The following RASGEF1C variants were observed in gnomAD, a reference collection of about 807,000 sequenced individuals.
The protein encoded by RASGEF1C is RasGEF domain family member 1C.
A neutral mutation model predicts 58.1 loss-of-function variants in RASGEF1C; 27 were observed. The ratio of observed to expected loss-of-function variants is 0.46; its 90% confidence interval spans 0.34 to 0.64. The LOEUF (loss-of-function observed/expected upper bound fraction) is 0.64, where lower values mean the gene tolerates loss of function less well. Ranked by LOEUF, RASGEF1C falls within the 30% of genes least tolerant of loss-of-function variation. The probability of loss-of-function intolerance (pLI) is 0.01; values close to 1 mark genes in which losing one functional copy is unlikely to be tolerated. For missense variants in RASGEF1C, 502 were observed against 605.1 expected (o/e 0.83, Z 1.79); for synonymous variants, 243 against 246.3 (o/e 0.99, Z 0.13).
rs1440040440 is a variant in RASGEF1C at position 180,190,505 on chromosome 5, A to AAT, written c.-7+18522_-7+18523insAT. On this transcript the variant is annotated intron_variant, in intron 1 of 13. Coordinates refer to ENST00000361132, the MANE Select transcript of RASGEF1C (RefSeq NM_175062.4). ...ACTCCGTCTCAAAAAAAAAAAAAAA[A>AAT]AAATAATAATAATAATAATAATAAT... 8.0e-5 allele frequency among the ~76,000 whole-genome samples: 8 copies of AAT among 99,518 alleles called. 1 individual carries two copies. The highest frequency in any genetic ancestry group is 1.8e-4 in the Non-Finnish European group (8 of 45,140). 65.3% of individuals were successfully genotyped at this position (99,518 alleles called of 152,430 possible). A position where few individuals can be genotyped will look rare whatever the true frequency, so the allele number is the denominator to read the frequency against.
At chr5:180,131,013 C>A (rs1253872590) in intron 4 of RASGEF1C, among the ~76,000 whole-genome samples, 1 of 151,932 alleles carries the variant, frequency 6.6e-6, no homozygotes. Context: ...TAGGCCATCA[C>A]CACCCCTCTC....
chr5:180,128,624 AG>A lies in RASGEF1C; in HGVS notation c.439-15del, dbSNP rs1449927412. The A allele has an allele frequency of 6.2e-7, 1 of 1,611,876 alleles. No individual in the cohort carries two copies. The highest frequency in any genetic ancestry group is 1.3e-5 in the African/African-American group (1 of 74,920). ...CTTCCGGTATGCCTGGTGGGTGGAA[AG>A]AAGGGCGCTCAGGACTGAACACTCA... On this transcript the variant is annotated splice_polypyrimidine_tract_variant and intron_variant, in intron 4 of 13. Coordinates refer to ENST00000361132, the MANE Select transcript of RASGEF1C (RefSeq NM_175062.4).
Position 180,168,448 on chromosome 5 carries a change from A to G in RASGEF1C, c.-6-30390T>C, listed in dbSNP as rs893742007. Among the ~76,000 whole-genome samples the G allele has an allele frequency of 4.6e-5, 7 of 152,132 alleles. No homozygotes were observed. The highest frequency in any genetic ancestry group is 1.7e-4 in the African/African-American group (7 of 41,432). ...AACTCCATCTCAAAATAAATAAACA[A>G]AAAAAACAACAACCAAAAAACTCCA... On this transcript the variant is annotated intron_variant, in intron 1 of 13. Transcript: ENST00000361132. This position sits in a 1 kb window ranked among gnomAD's most constrained non-coding sequence, Gnocchi z 6.0.
intron 1 of RASGEF1C, chr5:180,138,425 T>G (rs963000919): frequency 1.1e-5 from 2 of 178,188 alleles, no homozygotes. Context: ...CCACAAAGAT[T>G]GGTTCAGGGA....
Position 180,197,723 on chromosome 5 carries a change from G to A in RASGEF1C, c.-7+11305C>T, listed in dbSNP as rs1211171324. 6.6e-6 allele frequency among the ~76,000 whole-genome samples: 1 copy of A among 152,222 alleles called. No individual in the cohort carries two copies. Among genetic ancestry groups the A allele is most frequent in the East Asian group, 1.9e-4 (1 of 5,194 alleles). Reference sequence around the variant, plus strand: ...CCACAGGGACTCAGCCAATGGCACTGTGCAGGTGCTTAAACCGTCACAGAG... The same window carrying A: ...CCACAGGGACTCAGCCAATGGCACTATGCAGGTGCTTAAACCGTCACAGAG... On this transcript the variant is annotated intron_variant, in intron 1 of 13. Coordinates refer to ENST00000361132, the MANE Select transcript of RASGEF1C (RefSeq NM_175062.4). This position sits in a 1 kb window ranked among gnomAD's most constrained non-coding sequence, Gnocchi z 4.7.
At position 180,156,438 on chromosome 5, in the gene RASGEF1C, C is replaced by T. The variant is rs536206204; in HGVS notation, c.-6-18380G>A. The stretch of plus-strand genomic sequence containing the variant: ...GTGCCTGGCAGGGCCGAGGTGGGAA[C>T]CAAGCGCTGGACCTCTGTGATAAAG... On this transcript the variant is annotated intron_variant, in intron 1 of 13. Transcript: ENST00000361132. This position sits in a 1 kb window ranked among gnomAD's most constrained non-coding sequence, Gnocchi z 4.9. Among the ~76,000 whole-genome samples the T allele has an allele frequency of 7.2e-4, 110 of 152,238 alleles. No homozygotes were observed. The highest frequency in any genetic ancestry group is 2.4e-3 in the African/African-American group (100 of 41,534).
In RASGEF1C at chr5:180,128,526, C is replaced by T; in HGVS notation, c.523G>A (p.Gly175Ser). ...ALRQGPEGLV[G>S]ADKPISYRTK... ...CTGTAGGAGATGGGCTTGTCGGCAC[C>T]CACCAGACCTTCTGGCCCCTGGCGC... Residue 175 changes from glycine (G) to serine (S), a missense_variant, in exon 5 of 14, where the codon GGT becomes AGT. Gly to Ser is a moderately conservative substitution (Grantham distance 56, BLOSUM62 0). Coordinates refer to ENST00000361132, the MANE Select transcript of RASGEF1C (RefSeq NM_175062.4). 2 of 1,614,134 alleles carry T rather than the reference C, an allele frequency of 1.2e-6. No homozygotes were observed. Among genetic ancestry groups the T allele is most frequent in the Non-Finnish European group, 1.7e-6 (2 of 1,180,018 alleles).
intron 1 of RASGEF1C, among the ~76,000 whole-genome samples, chr5:180,190,685 T>A (rs945199753): frequency 6.0e-5 from 9 of 151,128 alleles, no homozygotes; most frequent in Admixed American, 4.6e-4. Flanking sequence ...ATAATAATAA[T>A]AAAAATTTTA....
At chr5:180,102,010 C>T (rs939346235) in intron 13 of RASGEF1C, 61 bp downstream of exon 13, 28 of 854,220 alleles carry the variant, frequency 3.3e-5, no homozygotes, top group Admixed American at 3.1e-4. Flanking sequence ...GGCGCGAAGA[C>T]TCACCTTAGA....
chr5:180,121,236 G>C, intron 6 of RASGEF1C, 87 bp from the exon 7 acceptor site: 1 of 907,610 alleles, frequency 1.1e-6, no homozygotes, highest in South Asian at 1.4e-5. Context: ...TGATCCTTAC[G>C]ATCTGGGAAA....
chr5:180,197,746 G>C lies in RASGEF1C; in HGVS notation c.-7+11282C>G, dbSNP rs1756305820. On this transcript the variant is annotated intron_variant, in intron 1 of 13. Coordinates refer to ENST00000361132, the MANE Select transcript of RASGEF1C (RefSeq NM_175062.4). This position sits in a 1 kb window ranked among gnomAD's most constrained non-coding sequence, Gnocchi z 4.7. The stretch of plus-strand genomic sequence containing the variant: ...CTGTGCAGGTGCTTAAACCGTCACA[G>C]AGAGCAGTGGTCATTTTACTATGTA... 6.6e-6 allele frequency among the ~76,000 whole-genome samples: 1 copy of C among 152,226 alleles called. No homozygotes were observed. Among genetic ancestry groups the C allele is most frequent in the Non-Finnish European group, 1.5e-5 (1 of 68,042 alleles).
rs1421717559 is a variant in RASGEF1C at position 180,139,663 on chromosome 5, AC to A, written c.-6-1606del. ...AAGTGTTCAATTTTCAGCCAATGAAACCGTAAAATTTCACAAAATCACCTCC... is the reference window on the plus strand; with the variant it reads ...AAGTGTTCAATTTTCAGCCAATGAAACGTAAAATTTCACAAAATCACCTCC... On this transcript the variant is annotated intron_variant, in intron 1 of 13. Coordinates refer to ENST00000361132, the MANE Select transcript of RASGEF1C (RefSeq NM_175062.4). Among the ~76,000 whole-genome samples the A allele has an allele frequency of 3.9e-5, 6 of 152,270 alleles. No individual in the cohort carries two copies. In the East Asian group the frequency reaches 1.2e-3, roughly 29 times the overall value.
At chr5:180,131,835 T>A (rs1225278033) in intron 4 of RASGEF1C, among the ~76,000 whole-genome samples, 2 of 152,250 alleles carry the variant, frequency 1.3e-5, no homozygotes, top group Non-Finnish European at 2.9e-5. Flanking sequence ...CAAGATTTGT[T>A]ACTGTTGAAT....
chr5:180,115,437 A>AGGGCTGC lies in RASGEF1C; in HGVS notation c.1084-903_1084-897dup, dbSNP rs932528405. ...AAAGGCTCACGGACCCCGCCTGTGA[A>AGGGCTGC]GGGCTGCGGGCTGCGTGCAGGCCCC... On this transcript the variant is annotated intron_variant, in intron 10 of 13. Coordinates refer to ENST00000361132, the MANE Select transcript of RASGEF1C (RefSeq NM_175062.4). The AGGGCTGC allele has an allele frequency of 2.1e-5, 7 of 333,246 alleles. No individual in the cohort carries two copies. In the East Asian group the frequency reaches 3.9e-4, roughly 18 times the overall value. The allele number at this position is 333,246 out of a possible 1,614,324, so 20.6% of individuals were successfully genotyped here. A position where few individuals can be genotyped will look rare whatever the true frequency, so the allele number is the denominator to read the frequency against.
chr5:180,136,115 GGC>G (rs1440691041), intron 4 of RASGEF1C, among the ~76,000 whole-genome samples: 1 of 152,212 alleles, frequency 6.6e-6, no homozygotes. Flanking sequence ...CTGGCCACCT[GGC>G]CCCAAAAGCC....
rs921578514 is a variant in RASGEF1C at position 180,137,055 on chromosome 5, C to T, written c.300+535G>A. ...GAGGGAGGCCAGCCCCGGGAAGCGG[C>T]AGCAGAGGGCGGGAGGGAGACAGGC... On this transcript the variant is annotated intron_variant, in intron 3 of 13. Coordinates refer to ENST00000361132, the MANE Select transcript of RASGEF1C (RefSeq NM_175062.4). This position sits in a 1 kb window ranked among gnomAD's most constrained non-coding sequence, Gnocchi z 4.1. Among the ~76,000 whole-genome samples, 1 of 152,178 alleles carries T rather than the reference C, an allele frequency of 6.6e-6. No homozygotes were observed. Among genetic ancestry groups the T allele is most frequent in the Non-Finnish European group, 1.5e-5 (1 of 68,032 alleles).
In RASGEF1C at chr5:180,139,447, G is replaced by A. The variant is rs778784094; in HGVS notation, c.-6-1389C>T. Reference sequence around the variant, plus strand: ...GCCCTGGGAGTAGAGACAGAGGGACGTGGTGGGTCAGAGCTGACACTGGGG... The same window carrying A: ...GCCCTGGGAGTAGAGACAGAGGGACATGGTGGGTCAGAGCTGACACTGGGG... On this transcript the variant is annotated intron_variant, in intron 1 of 13. Coordinates refer to ENST00000361132, the MANE Select transcript of RASGEF1C (RefSeq NM_175062.4). 4.6e-5 allele frequency among the ~76,000 whole-genome samples: 7 copies of A among 152,196 alleles called. No homozygotes were observed. In the South Asian group the frequency reaches 6.2e-4, roughly 13 times the overall value.
chr5:180,101,776 A>G (rs1035129072), intron 13 of RASGEF1C, among the ~76,000 whole-genome samples: 6 of 152,212 alleles, frequency 3.9e-5, no homozygotes, highest in Non-Finnish European at 7.4e-5. Context: ...CTGGCATACA[A>G]ATATAGACTG....
At chr5:180,193,201 G>T (rs541930489) in intron 1 of RASGEF1C, among the ~76,000 whole-genome samples, 1 of 114,846 alleles carries the variant, frequency 8.7e-6, no homozygotes, top group African/African-American at 2.8e-5. Flanking sequence ...GACTACAGGT[G>T]CCCGCCACCG....
Sources: gnomAD v4.1 joint callset for allele counts (sites outside exome capture counted in the v4.1 genomes callset) on GRCh38, gnomAD v4.1.1 for gene constraint, Gnocchi (gnomAD v3.1) non-coding constraint, MANE v1.5 for transcripts, NCBI Gene and HGNC (gene_info 2026-07-23, HGNC 2026-07-21) for gene names.